Variants in CPT1A observed in about 807,000 individuals in gnomAD.
CPT1A encodes carnitine O-palmitoyltransferase 1, liver isoform.
Under a neutral mutation model 100.8 loss-of-function variants are expected in CPT1A, and 64 were observed. The observed-to-expected ratio is 0.63, with a 90% CI of 0.52 to 0.78. The LOEUF is 0.78. Ranked by LOEUF, CPT1A falls within the 30% of genes least tolerant of loss-of-function variation. The probability of loss-of-function intolerance (pLI) is 0.00; values close to 1 mark genes in which losing one functional copy is unlikely to be tolerated. For missense variants in CPT1A, 802 were observed against 1,034.1 expected, an observed-to-expected ratio of 0.78 and a Z score of 3.08; for synonymous variants, 363 against 396.0, an observed-to-expected ratio of 0.92 and a Z score of 0.99.
At chr11:68,824,457 C>A (rs971952410) in intron 1 of CPT1A, among the ~76,000 whole-genome samples, 4 of 151,918 alleles carry the variant, frequency 2.6e-5, no homozygotes, top group African/African-American at 9.7e-5. Context: ...GCACGTGTAC[C>A]CCCAAATCTA....
At chr11:68,782,200 G>A (rs1453786397) in intron 10 of CPT1A, among the ~76,000 whole-genome samples, 1 of 152,068 alleles carries the variant, frequency 6.6e-6, no homozygotes, top group African/African-American at 2.4e-5. Flanking sequence ...CTAAATGAAC[G>A]GCCAGATTGC....
chr11:68,797,010 G>A (rs1409711494), intron 6 of CPT1A, 77 bp from the exon 7 acceptor site: 15 of 1,403,528 alleles, frequency 1.1e-5, no homozygotes, highest in Admixed American at 3.6e-5. Flanking sequence ...GCCCAGAGCC[G>A]CGGGGAAGGG....
rs750569368 is a variant in CPT1A at position 68,755,710 on chromosome 11, C to CTTTTTTTTTTTTT, written c.*1921_*1933dup. The CTTTTTTTTTTTTT allele has an allele frequency of 1.8e-5, 2 of 111,148 alleles. No homozygotes were observed. Among genetic ancestry groups the CTTTTTTTTTTTTT allele is most frequent in the Admixed American group, 9.5e-5 (1 of 10,570 alleles). 6.9% of individuals were successfully genotyped at this position (111,148 alleles called of 1,614,324 possible). ...ACGCATGAGCCACCGCGCCTGGACGCTTTTTTTTTTTTTTTTGTCTTTTGT... is the reference window on the plus strand; with the variant it reads ...ACGCATGAGCCACCGCGCCTGGACGCTTTTTTTTTTTTTTTTTTTTTTTTTTTTTGTCTTTTGT... On this transcript the variant is annotated 3_prime_UTR_variant, in exon 19 of 19. Transcript: ENST00000265641.
At chr11:68,774,781 C>CAAAAAAAAAAA (rs1169875761) in intron 13 of CPT1A, among the ~76,000 whole-genome samples, 1 of 54,284 alleles carries the variant, frequency 1.8e-5, no homozygotes, top group Admixed American at 2.2e-4. Flanking sequence ...GACTACATCT[C>CAAAAAAAAAAA]AAAAAAAAAA....
intron 6 of CPT1A, among the ~76,000 whole-genome samples, chr11:68,797,909 C>CA (rs1014654422): frequency 3.2e-4 from 49 of 152,222 alleles, no homozygotes; most frequent in African/African-American, 1.2e-3. Flanking sequence ...ACCTGGGAGG[C>CA]AGAGCTTGCA....
intron 12 of CPT1A, among the ~76,000 whole-genome samples, chr11:68,778,854 C>T (rs547536843): frequency 6.6e-5 from 10 of 151,480 alleles, no homozygotes; most frequent in Admixed American, 4.6e-4. Flanking sequence ...GGCGTGATCT[C>T]GGCTCACTGC....
At chr11:68,777,517 C>T (rs10791997) in intron 12 of CPT1A, among the ~76,000 whole-genome samples, 125,505 of 152,170 alleles carry the variant, frequency 0.82, 51,885 homozygotes, top group East Asian at 0.88. Context: ...GCACTGGGCC[C>T]CCATGTGAGA....
chr11:68,824,215 T>C (rs1210078359), intron 1 of CPT1A, among the ~76,000 whole-genome samples: 22 of 135,398 alleles, frequency 1.6e-4, no homozygotes, highest in Admixed American at 8.5e-4. Flanking sequence ...GCCACTGCAC[T>C]CCAGCCTGGG....
In CPT1A at chr11:68,841,704, G is replaced by A; in HGVS notation, c.-14+71C>T. 1.2e-6 allele frequency: 1 copy of A among 840,068 alleles called. No homozygotes were observed. The highest frequency in any genetic ancestry group is 1.4e-6 in the Non-Finnish European group (1 of 696,900). The allele number at this position is 840,068 out of a possible 1,614,324, so 52.0% of individuals were successfully genotyped here. ...CCGGTTCCCGGCAGCCCCGCGCCCC[G>A]CCCGTCCCCGGCCCCCGCAGCCCGC... On this transcript the variant is annotated intron_variant, in intron 1 of 18. Transcript: ENST00000265641. This position sits in a 1 kb window ranked among gnomAD's most constrained non-coding sequence, Gnocchi z 6.3.
intron 1 of CPT1A, among the ~76,000 whole-genome samples, chr11:68,827,822 G>A (rs1211592321): frequency 6.6e-6 from 1 of 152,114 alleles, no homozygotes; most frequent in Non-Finnish European, 1.5e-5. Context: ...TACTCTGTGC[G>A]CGGTCCTGCA....
chr11:68,754,744 C>A, downstream of CPT1A: 1 of 772,806 alleles, frequency 1.3e-6, no homozygotes, highest in Non-Finnish European at 2.4e-6. Flanking sequence ...TCCAGCCCAG[C>A]ACATGAACTT....
rs754881836 is a variant in CPT1A, at chr11:68,827,517, CT to C, written c.-13-12031del. Among the ~76,000 whole-genome samples the C allele has an allele frequency of 4.9e-4, 75 of 151,916 alleles. No homozygotes were observed. The Middle Eastern group carries it at 0.01, about 21-fold the overall frequency. On this transcript the variant is annotated intron_variant, in intron 1 of 18. Coordinates refer to ENST00000265641, the MANE Select transcript of CPT1A (RefSeq NM_001876.4). ...GCTGTATTGATTTAGAATGTCCCCC[CT>C]ACCCCACCCCACCCCCACCAGTTTG...
rs1035246303 is a variant in CPT1A at position 68,814,416 on chromosome 11, C to T, written c.141+918G>A. Among the ~76,000 whole-genome samples the T allele has an allele frequency of 5.9e-5, 9 of 152,038 alleles. No homozygotes were observed. In the Middle Eastern group the frequency reaches 0.01, roughly 174 times the overall value. On this transcript the variant is annotated intron_variant, in intron 2 of 18. Coordinates refer to ENST00000265641, the MANE Select transcript of CPT1A (RefSeq NM_001876.4). ...CCGCCTCCCGGGTTCGTGCCATTCT[C>T]CTGCCTCAGCCTCCCGAGTAGCTGG...
At chr11:68,754,643 C>T (rs112705038), downstream of CPT1A, 136 of 603,670 alleles carry the variant, frequency 2.3e-4, no homozygotes, top group African/African-American at 2.2e-3. Flanking sequence ...ATTTATTGAG[C>T]ATCTTTTATG....
chr11:68,783,807 G>A (rs541428428), intron 10 of CPT1A, among the ~76,000 whole-genome samples: 2 of 152,330 alleles, frequency 1.3e-5, no homozygotes, highest in African/African-American at 2.4e-5. Flanking sequence ...CAGCTCTGAG[G>A]TGAGAAACCC....
chr11:68,760,884 G>A (rs975891967), intron 16 of CPT1A, among the ~76,000 whole-genome samples: 1 of 150,964 alleles, frequency 6.6e-6, no homozygotes, highest in Non-Finnish European at 1.5e-5. Flanking sequence ...AGCCAGGCAT[G>A]GCAGCGTGTG....
intron 5 of CPT1A, among the ~76,000 whole-genome samples, chr11:68,801,164 A>G (rs1245113160): frequency 6.6e-6 from 1 of 152,124 alleles, no homozygotes; most frequent in Non-Finnish European, 1.5e-5. Context: ...TTCAAAGTAA[A>G]ATGCCCGTGA....
At chr11:68,765,451 CGCCATCAGGAGGATG>C (rs1300212432) in intron 14 of CPT1A, among the ~76,000 whole-genome samples, 1 of 152,122 alleles carries the variant, frequency 6.6e-6, no homozygotes, top group Non-Finnish European at 1.5e-5. Flanking sequence ...TGTGACCAGC[CGCCATCAGGAGGATG>C]GCCCTTCGCT....
chr11:68,785,845 A>C, intron 9 of CPT1A: 1 of 549,740 alleles, frequency 1.8e-6, no homozygotes, highest in Non-Finnish European at 3.2e-6. Flanking sequence ...AAATGTTCTG[A>C]GAAAGAAAGT....
Sources: gnomAD v4.1 joint callset for allele counts (sites outside exome capture counted in the v4.1 genomes callset) on GRCh38, gnomAD v4.1.1 for gene constraint, Gnocchi (gnomAD v3.1) non-coding constraint, MANE v1.5 for transcripts, NCBI Gene and HGNC (gene_info 2026-07-23, HGNC 2026-07-21) for gene names.